TTN: variants seen among roughly 807,000 people sequenced by gnomAD.
TTN encodes the protein connectin.
TTN carries 1,525 observed loss-of-function variants against 3,223.0 expected under a neutral mutation model. That is an observed-to-expected ratio of 0.47 (90% CI 0.45 to 0.49). TTN has a LOEUF of 0.49. TTN is among the 20% of genes least tolerant of loss of function. TTN has a pLI of 0.00. For missense variants in TTN, 40,786 were observed against 43,424.0 expected (o/e 0.94, Z 5.40); for synonymous variants, 14,094 against 15,161.0 (o/e 0.93, Z 5.17).
At position 178,551,766 on chromosome 2, in the gene TTN, T is replaced by C. The variant is rs1457254539; in HGVS notation, c.91134A>G (p.Pro30378=). 2 of 1,613,756 alleles carry C rather than the reference T, an allele frequency of 1.2e-6. No homozygotes were observed. The highest frequency in any genetic ancestry group is 2.7e-5 in the African/African-American group (2 of 74,896). The change falls in exon 335 of 363, where the codon CCA becomes CCG. Residue 30378 remains proline (P), a synonymous_variant. Transcript: ENST00000589042. The part of the protein sequence containing the change: ...SILWQKVNTS[P]ISGREYRATG... ...TGGCTCTATATTCTCTTCCAGAGATTGGTGATGTATTAACTTTTTGCCAGA... is the reference window on the plus strand; with the variant it reads ...TGGCTCTATATTCTCTTCCAGAGATCGGTGATGTATTAACTTTTTGCCAGA...
rs759265517 is a variant in TTN, at chr2:178,580,181, T to A, written c.67106A>T (p.Asp22369Val). Residue 22369 changes from aspartate (D) to valine (V), a missense_variant, in exon 318 of 363, where the codon GAC becomes GTC. Asp to Val is a radical substitution (Grantham distance 152). Transcript: ENST00000589042. ...AGGCTCCCAGGTAACATAAGCAGAG[T>A]CTTTGGATATTTCCTTAACAGTCAC... ...VNVTVKEISK[D>V]SAYVTWEPPI... is the part of the protein sequence containing the mutation. The A allele has an allele frequency of 6.2e-7, 1 of 1,613,042 alleles. No homozygotes were observed. Among genetic ancestry groups the A allele is most frequent in the Non-Finnish European group, 8.5e-7 (1 of 1,179,444 alleles).
Position 178,663,839 on chromosome 2 carries a change from G to T in TTN, c.36428C>A (p.Pro12143His). The change falls in exon 170 of 363, where the codon CCT becomes CAT. Residue 12143 changes from proline (P) to histidine (H), a missense_variant. Coordinates refer to ENST00000589042, the MANE Select transcript of TTN (RefSeq NM_001267550.2). Reference sequence around the variant, plus strand: ...ACTACCTTTAACAGGTGGGACTTCAGGCTCTTTAGGAGGAGCCAAGGGCAC... The same window carrying T: ...ACTACCTTTAACAGGTGGGACTTCATGCTCTTTAGGAGGAGCCAAGGGCAC... Reference protein sequence around the residue: ...EKVPLAPPKEPEVPPVKVPEP... With the variant: ...EKVPLAPPKEHEVPPVKVPEP... The T allele has an allele frequency of 6.2e-7, 1 of 1,613,434 alleles. No individual in the cohort carries two copies. Among genetic ancestry groups the T allele is most frequent in the South Asian group, 1.1e-5 (1 of 91,078 alleles).
At chr2:178,679,160 T>G (rs560667852) in intron 142 of TTN, among the ~76,000 whole-genome samples, 179 bp downstream of exon 142, 47 of 152,044 alleles carry the variant, frequency 3.1e-4, no homozygotes, top group Admixed American at 1.2e-3. Flanking sequence ...TAAGCATAAT[T>G]TGATGGTAAA....
Position 178,647,414 on chromosome 2 carries a change from T to C in TTN, c.40108A>G (p.Ile13370Val), listed in dbSNP as rs2062192365. Residue 13370 changes from isoleucine to valine, a missense_variant, in exon 214 of 363, where the codon ATC becomes GTC. Coordinates refer to ENST00000589042, the MANE Select transcript of TTN (RefSeq NM_001267550.2). ...IIPEKEVSVP[I>V]PAEPEVPPAE... ...GGTGGAACTTCTGGCTCTGCAGGGA[T>C]AGGCACAGACACTTCCTTTTCTGGG... is the stretch of plus-strand genomic sequence containing the variant. The C allele has an allele frequency of 6.5e-7, 1 of 1,549,650 alleles. No individual in the cohort carries two copies. The highest frequency in any genetic ancestry group is 1.4e-5 in the African/African-American group (1 of 72,978).
In TTN at chr2:178,689,601, A is replaced by G; in HGVS notation, c.31847-6T>C. The G allele has an allele frequency of 6.3e-7, 1 of 1,590,354 alleles. No individual in the cohort carries two copies. Among genetic ancestry groups the G allele is most frequent in the Non-Finnish European group, 8.5e-7 (1 of 1,171,732 alleles). ...TCCCTTCTGTACTTCAGGAACTTGA[A>G]GAGACATTTTTAGAATTGACTTTAT... On this transcript the variant is annotated splice_polypyrimidine_tract_variant and splice_region_variant and intron_variant, in intron 122 of 362. Transcript: ENST00000589042.
chr2:178,552,508 A>T lies in TTN; in HGVS notation c.90392T>A (p.Val30131Asp). The T allele has an allele frequency of 6.2e-7, 1 of 1,613,566 alleles. No homozygotes were observed. The highest frequency in any genetic ancestry group is 8.5e-7 in the Non-Finnish European group (1 of 1,179,622). ...TGCCCCAGGGATATCTGACAGGTCA[A>T]CTTCAGGTGTAATAATAAGTTCTTT... ...TVKELIITPEVDLSDIPGAQV... is the reference protein window; with the variant it reads ...TVKELIITPEDDLSDIPGAQV... The change falls in exon 335 of 363, where the codon GTT becomes GAT. Residue 30131 changes from valine to aspartate, a missense_variant. Coordinates refer to ENST00000589042, the MANE Select transcript of TTN (RefSeq NM_001267550.2).
chr2:178,570,811 A>C lies in TTN; in HGVS notation c.75321T>G (p.Asp25107Glu). 1 of 1,613,534 alleles carries C rather than the reference A, an allele frequency of 6.2e-7. No individual in the cohort carries two copies. The highest frequency in any genetic ancestry group is 8.5e-7 in the Non-Finnish European group (1 of 1,179,616). ...TGAITARDEV[D>E]PPRISMDPKY... ...TTGGATCCATACTTATTCGTGGTGG[A>C]TCTACCTCATCTCTAGCTGTTATTG... Residue 25107 changes from aspartate to glutamate, a missense_variant, in exon 326 of 363, where the codon GAT (aspartate) becomes GAG (glutamate). Coordinates refer to ENST00000589042, the MANE Select transcript of TTN (RefSeq NM_001267550.2).
At chr2:178,794,601 T>G (rs565924346) in intron 7 of TTN, 50 bp from the exon 8 acceptor site, 1 of 1,612,242 alleles carries the variant, frequency 6.2e-7, no homozygotes, top group African/African-American at 1.3e-5. Flanking sequence ...ACATGCCCAG[T>G]AGAAAATAAA....
At chr2:178,806,071 A>C (rs2094304118) in intron 1 of TTN, among the ~76,000 whole-genome samples, 1 of 152,194 alleles carries the variant, frequency 6.6e-6, no homozygotes, top group African/African-American at 2.4e-5. Context: ...ATGGAGCAAT[A>C]ATCTTCTTAG....
chr2:178,551,063 C>T lies in TTN; in HGVS notation c.91468G>A (p.Asp30490Asn), dbSNP rs758532843. 1.2e-6 allele frequency: 2 copies of T among 1,613,342 alleles called. No individual in the cohort carries two copies. The highest frequency in any genetic ancestry group is 8.5e-7 in the Non-Finnish European group (1 of 1,179,596). The change falls in exon 336 of 363, where the codon GAT becomes AAT. Residue 30490 changes from aspartate to asparagine, a missense_variant. Asp to Asn is a conservative substitution (Grantham distance 23). Coordinates refer to ENST00000589042, the MANE Select transcript of TTN (RefSeq NM_001267550.2). ...GCAATTATTCTGAACTCATAGCGAT[C>T]CCCAGGACTGAGTCCTGTAACTGTG... ...QYTVTGLSPG[D>N]RYEFRIIARN...
Position 178,603,937 on chromosome 2 carries a change from A to G in TTN, c.54750T>C (p.Asn18250=), listed in dbSNP as rs1296942593. The G allele has an allele frequency of 1.2e-6, 2 of 1,612,220 alleles. No individual in the cohort carries two copies. Among genetic ancestry groups the G allele is most frequent in the African/African-American group, 1.3e-5 (1 of 74,794 alleles). Reference sequence around the variant, plus strand: ...CACTGGGAGGACCAATTCCTGCAGCATTTATTGCCATGGCTCTGAACTGGT... The same window carrying G: ...CACTGGGAGGACCAATTCCTGCAGCGTTTATTGCCATGGCTCTGAACTGGT... ...VKYQFRAMAI[N]AAGIGPPSEP... is the part of the protein sequence containing the mutation. Residue 18250 remains asparagine (N), a synonymous_variant, in exon 282 of 363, where the codon AAT becomes AAC. Coordinates refer to ENST00000589042, the MANE Select transcript of TTN (RefSeq NM_001267550.2).
chr2:178,641,027 T>A (rs528847280), intron 220 of TTN, among the ~76,000 whole-genome samples: 1 of 152,060 alleles, frequency 6.6e-6, no homozygotes, highest in South Asian at 2.1e-4. Flanking sequence ...AAAGTAATGA[T>A]AAGAATGAAG....
rs2054560822 is a variant in TTN, at chr2:178,605,453, G to T, written c.53842C>A (p.Pro17948Thr). 4 of 1,610,752 alleles carry T rather than the reference G, an allele frequency of 2.5e-6. No individual in the cohort carries two copies. The highest frequency in any genetic ancestry group is 3.4e-6 in the Non-Finnish European group (4 of 1,178,044). ...KAVNEIGESE[P>T]SLPLNVVIQD... ...ATGACTACATTAAGAGGTAGGGATG[G>T]TTCACTTTCACCAATTTCATTGACA... Residue 17948 changes from proline (P) to threonine (T), a missense_variant, in exon 279 of 363, where the codon CCA becomes ACA. Physicochemically the swap from Pro to Thr is conservative, Grantham distance 38 (BLOSUM62 -1). Coordinates refer to ENST00000589042, the MANE Select transcript of TTN (RefSeq NM_001267550.2).
At position 178,561,666 on chromosome 2, in the gene TTN, C is replaced by G. The variant is rs763560084; in HGVS notation, c.84466G>C (p.Gly28156Arg). The change falls in exon 326 of 363, where the codon GGT becomes CGT. Residue 28156 changes from glycine (G) to arginine (R), a missense_variant. Transcript: ENST00000589042. Reference protein sequence around the residue: ...VVAEYPFSPPGPPGTPKVVHA... With the variant: ...VVAEYPFSPPRPPGTPKVVHA... ...ACAACTTTAGGAGTACCAGGAGGAC[C>G]TGGGGGACTGAATGGATACTCTGCA... is the stretch of plus-strand genomic sequence containing the variant. 86 of 1,606,922 alleles carry G rather than the reference C, an allele frequency of 5.4e-5. No individual in the cohort carries two copies. The highest frequency in any genetic ancestry group is 3.0e-4 in the Admixed American group (18 of 59,608).
rs149075285 is a variant in TTN at position 178,575,180 on chromosome 2, A to C, written c.70952T>G (p.Ile23651Ser). ...ACCGAGCACTGGAATTTCAACTTTG[A>C]TGTTGTCACCAGCTTTGGCAATGAC... is the stretch of plus-strand genomic sequence containing the variant. ...KLVIAKAGDNIKVEIPVLGRP... is the reference protein window; with the variant it reads ...KLVIAKAGDNSKVEIPVLGRP... Residue 23651 changes from isoleucine (I) to serine (S), a missense_variant, in exon 326 of 363, where the codon ATC becomes AGC. Physicochemically the swap from Ile to Ser is moderately radical, Grantham distance 142. Transcript: ENST00000589042. The surrounding 1 kb of genome is among the most constrained non-coding windows in gnomAD (Gnocchi z 4.0). 733 of 1,612,710 alleles carry C rather than the reference A, an allele frequency of 4.5e-4. 3 individuals carry two copies. The African/African-American group carries it at 8.4e-3, about 18-fold the overall frequency.
chr2:178,550,819 T>A (rs2154149780), intron 336 of TTN, 148 bp downstream of exon 336: 1 of 705,358 alleles, frequency 1.4e-6, no homozygotes, highest in Non-Finnish European at 2.3e-6. Context: ...TTTCTTCTTT[T>A]CATCTGAAAG....
In TTN at chr2:178,548,352, C is replaced by T; in HGVS notation, c.93274G>A (p.Ala31092Thr). ...TCACCAACACCATACTCATTTACTG[C>T]AGAAACACGGAAATAGTACGGAACA... The part of the protein sequence containing the change: ...EGVPYYFRVS[A>T]VNEYGVGEPY... Residue 31092 changes from alanine to threonine, a missense_variant, in exon 339 of 363, where the codon GCA becomes ACA. Ala to Thr is a moderately conservative substitution (Grantham distance 58). Coordinates refer to ENST00000589042, the MANE Select transcript of TTN (RefSeq NM_001267550.2). This position sits in a 1 kb window ranked among gnomAD's most constrained non-coding sequence, Gnocchi z 4.3. The T allele has an allele frequency of 6.2e-7, 1 of 1,613,878 alleles. No homozygotes were observed. Among genetic ancestry groups the T allele is most frequent in the Non-Finnish European group, 8.5e-7 (1 of 1,179,820 alleles).
In TTN at chr2:178,715,046, G is replaced by C; in HGVS notation, c.26140C>G (p.Gln8714Glu). ...NVDAADIGEY[Q>E]CKATNDVGSD... Reference sequence around the variant, plus strand: ...CCCACATCATTTGTGGCTTTACACTGATATTCCCCAATGTCTGCAGCATCG... The same window carrying C: ...CCCACATCATTTGTGGCTTTACACTCATATTCCCCAATGTCTGCAGCATCG... The change falls in exon 90 of 363, where the codon CAG becomes GAG. Residue 8714 changes from glutamine (Q) to glutamate (E), a missense_variant. Physicochemically the swap from Gln to Glu is conservative, Grantham distance 29. Coordinates refer to ENST00000589042, the MANE Select transcript of TTN (RefSeq NM_001267550.2). 1 of 1,613,588 alleles carries C rather than the reference G, an allele frequency of 6.2e-7. No individual in the cohort carries two copies. The highest frequency in any genetic ancestry group is 8.5e-7 in the Non-Finnish European group (1 of 1,179,652).
chr2:178,621,493 C>T lies in TTN; in HGVS notation c.45331G>A (p.Gly15111Ser). 1 of 1,612,216 alleles carries T rather than the reference C, an allele frequency of 6.2e-7. No homozygotes were observed. The highest frequency in any genetic ancestry group is 1.7e-4 in the Middle Eastern group (1 of 6,046). Residue 15111 changes from glycine (G) to serine (S), a missense_variant, in exon 245 of 363, where the codon GGC (glycine) becomes AGC (serine). Gly to Ser is a moderately conservative substitution (Grantham distance 56, BLOSUM62 0). Transcript: ENST00000589042. ...TTCATACCATGTACTTTGACTTTGC[C>T]ATCGGTTCGAGAGCTTGGGAGTCGA... ...NCRLPSSRTD[G>S]KVKVHELAAE...
Sources: allele counts gnomAD v4.1 joint callset (sites outside exome capture counted in the v4.1 genomes callset), GRCh38; gene constraint gnomAD v4.1.1; non-coding constraint Gnocchi (gnomAD v3.1); transcripts MANE v1.5; gene names NCBI Gene and HGNC (gene_info 2026-07-23, HGNC 2026-07-21).